Variants in RAB2A observed in about 807,000 individuals in gnomAD.
RAB2A encodes ras-related protein Rab-2A.
In RAB2A, 7 loss-of-function variants were observed where a neutral mutation model predicts 32.5. That is an observed-to-expected ratio of 0.22 (90% confidence interval 0.12 to 0.40). RAB2A has a LOEUF of 0.40. Ranked by LOEUF, RAB2A falls within the 10% of genes least tolerant of loss-of-function variation. The probability of loss-of-function intolerance (pLI) is 1.00; values close to 1 mark genes in which losing one functional copy is unlikely to be tolerated. For synonymous variants in RAB2A, 79 were observed against 85.2 expected, an observed-to-expected ratio of 0.93 and a Z score of 0.40; for missense variants, 108 against 260.7, an observed-to-expected ratio of 0.41 and a Z score of 4.03.
intron 1 of RAB2A, among the ~76,000 whole-genome samples, chr8:60,534,370 G>T (rs948392795): frequency 1.3e-5 from 2 of 152,088 alleles, no homozygotes; most frequent in African/African-American, 4.8e-5. Context: ...GAGGTAGGAG[G>T]ATTGCTTGAG....
chr8:60,599,362 C>A (rs1359480564), intron 6 of RAB2A, among the ~76,000 whole-genome samples: 1 of 152,084 alleles, frequency 6.6e-6, no homozygotes, highest in African/African-American at 2.4e-5. Context: ...CACTTATTCA[C>A]AAATTGATAT....
chr8:60,568,437 A>G (rs1279585293), intron 2 of RAB2A, among the ~76,000 whole-genome samples: 1 of 152,192 alleles, frequency 6.6e-6, no homozygotes, highest in Non-Finnish European at 1.5e-5. Context: ...AATAATAATT[A>G]TACCTAACAT....
At chr8:60,545,366 A>G (rs576057059) in intron 1 of RAB2A, among the ~76,000 whole-genome samples, 1 of 152,004 alleles carries the variant, frequency 6.6e-6, no homozygotes, top group East Asian at 1.9e-4. Flanking sequence ...GTGCAGTGGG[A>G]CGATAACATC....
intron 6 of RAB2A, among the ~76,000 whole-genome samples, chr8:60,594,865 T>C (rs1184004906): frequency 1.3e-5 from 2 of 152,258 alleles, no homozygotes. Flanking sequence ...CCACATTTTC[T>C]TAATCCAGTC....
chr8:60,520,837 G>A (rs927443102), intron 1 of RAB2A, among the ~76,000 whole-genome samples: 3 of 151,964 alleles, frequency 2.0e-5, no homozygotes, highest in African/African-American at 7.3e-5. Context: ...TATCTATTGA[G>A]ACATGATCTC....
At chr8:60,528,931 G>A (rs532882086) in intron 1 of RAB2A, among the ~76,000 whole-genome samples, 2 of 152,164 alleles carry the variant, frequency 1.3e-5, no homozygotes, top group Middle Eastern at 3.4e-3. Flanking sequence ...GAACAGAAAC[G>A]CACTCCAGCT....
At chr8:60,602,450 C>A (rs1251050027) in intron 6 of RAB2A, among the ~76,000 whole-genome samples, 1 of 152,110 alleles carries the variant, frequency 6.6e-6, no homozygotes, top group African/African-American at 2.4e-5. Flanking sequence ...TTTCATTCAA[C>A]AAGTAATATT....
At chr8:60,542,862 C>T (rs1807668629) in intron 1 of RAB2A, among the ~76,000 whole-genome samples, 1 of 152,128 alleles carries the variant, frequency 6.6e-6, no homozygotes, top group African/African-American at 2.4e-5. Context: ...TTCTGAAAGC[C>T]ACATCCTCTT....
At position 60,536,696 on chromosome 8, in the gene RAB2A, A is replaced by G. The variant is rs1586067404; in HGVS notation, c.46+19443A>G. Among the ~76,000 whole-genome samples the G allele has an allele frequency of 4.6e-5, 7 of 152,346 alleles. No homozygotes were observed. The East Asian group carries it at 1.3e-3, about 29-fold the overall frequency. On this transcript the variant is annotated intron_variant, in intron 1 of 7. Transcript: ENST00000262646. The stretch of plus-strand genomic sequence containing the variant: ...ATTAGATTTCTGCAGTGTCAGGATC[A>G]TTTCACTTATAGAATGTTCCTTTCA...
rs1485907080 is a variant in RAB2A at position 60,517,268 on chromosome 8, C to T, written c.46+15C>T. 1.4e-6 allele frequency: 2 copies of T among 1,481,436 alleles called. No homozygotes were observed. The highest frequency in any genetic ancestry group is 1.8e-6 in the Non-Finnish European group (2 of 1,114,658). The allele number at this position is 1,481,436 out of a possible 1,614,324, so 91.8% of individuals were successfully genotyped here. A position where few individuals can be genotyped will look rare whatever the true frequency, so the allele number is the denominator to read the frequency against. ...CGGCGACACAGGTGAGGGCCCCGGGCGCGGCCGGGCGGGTGTCGGCGGCCT... is the reference window on the plus strand; with the variant it reads ...CGGCGACACAGGTGAGGGCCCCGGGTGCGGCCGGGCGGGTGTCGGCGGCCT... On this transcript the variant is annotated intron_variant, in intron 1 of 7. Transcript: ENST00000262646.
rs2150439639 is a variant in RAB2A at position 60,617,965 on chromosome 8, G to A, written c.475-615G>A. ...ATTCTAGACATTTCGTACAAATGGAGTTGTAGTATTGTGGCGTTTTGTGTC... is the reference window on the plus strand; with the variant it reads ...ATTCTAGACATTTCGTACAAATGGAATTGTAGTATTGTGGCGTTTTGTGTC... On this transcript the variant is annotated intron_variant, in intron 6 of 7. Coordinates refer to ENST00000262646, the MANE Select transcript of RAB2A (RefSeq NM_002865.3). Among the ~76,000 whole-genome samples, 6 of 152,296 alleles carry A rather than the reference G, an allele frequency of 3.9e-5. 2 individuals carry two copies. In the Middle Eastern group the frequency reaches 0.01, roughly 259 times the overall value.
chr8:60,526,875 G>A (rs557075972), intron 1 of RAB2A, among the ~76,000 whole-genome samples: 51 of 151,138 alleles, frequency 3.4e-4, no homozygotes, highest in African/African-American at 1.2e-3. Context: ...AGGCTGAGAT[G>A]AGAGCATCAT....
At chr8:60,558,331 A>G (rs2130830385) in intron 1 of RAB2A, 1 of 447,514 alleles carries the variant, frequency 2.2e-6, no homozygotes, top group Non-Finnish European at 4.4e-6. Context: ...TAACGGGGTC[A>G]ATTTTAATAG....
intron 6 of RAB2A, among the ~76,000 whole-genome samples, chr8:60,600,944 C>T (rs1048849434): frequency 6.6e-5 from 10 of 152,154 alleles, no homozygotes; most frequent in Admixed American, 5.2e-4. Context: ...AAATGTTACA[C>T]GGGATTCTTC....
chr8:60,577,216 T>G (rs972504592), intron 3 of RAB2A, among the ~76,000 whole-genome samples: 1 of 151,960 alleles, frequency 6.6e-6, no homozygotes, highest in Admixed American at 6.6e-5. Context: ...CAGCTAATTT[T>G]TTTTTTTAAT....
At chr8:60,536,008 A>G (rs1229966633) in intron 1 of RAB2A, among the ~76,000 whole-genome samples, 1 of 152,234 alleles carries the variant, frequency 6.6e-6, no homozygotes, top group Non-Finnish European at 1.5e-5. Flanking sequence ...GCTTTGATGA[A>G]TATCGTTATA....
At chr8:60,565,992 C>T (rs1007635984) in intron 2 of RAB2A, among the ~76,000 whole-genome samples, 1 of 152,092 alleles carries the variant, frequency 6.6e-6, no homozygotes, top group African/African-American at 2.4e-5. Context: ...GGATTACAGG[C>T]GTGAGCCACC....
chr8:60,616,811 G>T (rs1476832909), intron 6 of RAB2A, among the ~76,000 whole-genome samples: 4 of 152,204 alleles, frequency 2.6e-5, no homozygotes, highest in African/African-American at 9.7e-5. Flanking sequence ...ACTGGTGTGT[G>T]CTTGGTGCAG....
At chr8:60,580,289 C>G (rs548018132) in intron 3 of RAB2A, among the ~76,000 whole-genome samples, 184 of 152,314 alleles carry the variant, frequency 1.2e-3, no homozygotes, top group African/African-American at 3.9e-3. Flanking sequence ...GCCACTGCGA[C>G]CAGCCTAAAG....
Sources: allele counts gnomAD v4.1 joint callset (sites outside exome capture counted in the v4.1 genomes callset), GRCh38; gene constraint gnomAD v4.1.1; transcripts MANE v1.5; gene names NCBI Gene and HGNC (gene_info 2026-07-23, HGNC 2026-07-21).